The following ABCG5 variants were observed in gnomAD, a reference collection of about 807,000 sequenced individuals.
ABCG5 encodes ATP-binding cassette sub-family G member 5.
In ABCG5, 64 loss-of-function variants were observed where a neutral mutation model predicts 64.5. The observed-to-expected ratio is 0.99, with a 90% confidence interval of 0.81 to 1.22. The LOEUF (loss-of-function observed/expected upper bound fraction) is 1.22. ABCG5 is among the 50% of genes most tolerant of loss of function. The pLI, the probability that ABCG5 is intolerant of heterozygous loss-of-function variation, is 0.00. For missense variants in ABCG5, 908 were observed against 829.5 expected, an observed-to-expected ratio of 1.09 and a Z score of -1.16; for synonymous variants, 385 against 326.3, an observed-to-expected ratio of 1.18 and a Z score of -1.94.
At chr2:43,830,668 A>G (rs1667901780) in intron 4 of ABCG5, among the ~76,000 whole-genome samples, 1 of 151,870 alleles carries the variant, frequency 6.6e-6, no homozygotes, top group South Asian at 2.1e-4. Flanking sequence ...AATTGGAGAG[A>G]ACTCTGCTAT....
At chr2:43,816,143 GAGTGATGC>G (rs999669668) in intron 11 of ABCG5, among the ~76,000 whole-genome samples, 5 of 152,184 alleles carry the variant, frequency 3.3e-5, no homozygotes, top group African/African-American at 9.7e-5. Context: ...ATGATTTGGT[GAGTGATGC>G]AGTGTGTATA....
chr2:43,806,576 T>C, the ABCG5 span, among the ~76,000 whole-genome samples: 5 of 152,240 alleles, frequency 3.3e-5, no homozygotes, highest in Non-Finnish European at 7.3e-5. Flanking sequence ...AGCCTGGCTA[T>C]AAGGATTAGT....
At chr2:43,814,440 A>G (rs1391287097) in intron 12 of ABCG5, 37 bp downstream of exon 12, 5 of 1,363,534 alleles carry the variant, frequency 3.7e-6, no homozygotes, top group African/African-American at 1.4e-5. Flanking sequence ...TCCTCAGAGT[A>G]ACATGCAAAA....
At chr2:43,820,305 T>C (rs1309694869) in intron 10 of ABCG5, among the ~76,000 whole-genome samples, 2 of 152,242 alleles carry the variant, frequency 1.3e-5, no homozygotes, top group Non-Finnish European at 2.9e-5. Context: ...TGGCTGCAAC[T>C]CATTGGGAGC....
chr2:43,837,386 G>A (rs1668344274), intron 2 of ABCG5, among the ~76,000 whole-genome samples: 1 of 152,122 alleles, frequency 6.6e-6, no homozygotes, highest in South Asian at 2.1e-4. Context: ...CTCTCAAGCT[G>A]CTGGGATTAC....
chr2:43,831,189 G>A (rs373410714), intron 4 of ABCG5, among the ~76,000 whole-genome samples: 1 of 152,194 alleles, frequency 6.6e-6, no homozygotes, highest in African/African-American at 2.4e-5. Context: ...ATTTGGTTGG[G>A]AGAGACAGAG....
chr2:43,824,775 A>G, intron 7 of ABCG5, 114 bp downstream of exon 7: 1 of 1,528,760 alleles, frequency 6.5e-7, no homozygotes, highest in Non-Finnish European at 8.9e-7. Flanking sequence ...AGAGTATAAA[A>G]CACAAAAACA....
rs1324157881 is a variant in ABCG5 at position 43,813,271 on chromosome 2, C to T, written c.1801G>A (p.Ala601Thr). 6.2e-7 allele frequency: 1 copy of T among 1,613,842 alleles called. No individual in the cohort carries two copies. Among genetic ancestry groups the T allele is most frequent in the Non-Finnish European group, 8.5e-7 (1 of 1,179,886 alleles). Reference sequence around the variant, plus strand: ...ATGAATTGAATTCCTTGAGTGAAGGCACACATTGGATTAGTTGTCACAGAA... The same window carrying T: ...ATGAATTGAATTCCTTGAGTGAAGGTACACATTGGATTAGTTGTCACAGAA... ...NVSVTTNPMC[A>T]FTQGIQFIEK... is the part of the protein sequence containing the mutation. Residue 601 changes from alanine to threonine, a missense_variant, in exon 13 of 13, where the codon GCC (alanine) becomes ACC (threonine). By Grantham distance (58) the Ala-to-Thr change is moderately conservative. Coordinates refer to ENST00000405322, the MANE Select transcript of ABCG5 (RefSeq NM_022436.3).
chr2:43,810,001 C>A, downstream of ABCG5: 2 of 1,145,418 alleles, frequency 1.7e-6, no homozygotes, highest in Non-Finnish European at 2.2e-6. Flanking sequence ...CTTCTACTAC[C>A]TACCTCTAAC....
At chr2:43,832,719 C>G (rs1668026915) in intron 2 of ABCG5, 1 of 154,360 alleles carries the variant, frequency 6.5e-6, no homozygotes, top group African/African-American at 2.4e-5. Context: ...TGGGGCATAG[C>G]CTAGCTGGAT....
Position 43,823,840 on chromosome 2 carries a change from T to A in ABCG5, c.1324+73A>T, listed in dbSNP as rs72796715. 24,674 of 1,542,044 alleles carry A rather than the reference T, an allele frequency of 0.016. 419 individuals carry two copies. Among genetic ancestry groups the A allele is most frequent in the Admixed American group, 0.081 (4,414 of 54,166 alleles). Reference sequence around the variant, plus strand: ...AGAAAAACCCTTATAATGGTAGACTTTTGTAAGGTTACAGCTGGAGAAGGG... The same window carrying A: ...AGAAAAACCCTTATAATGGTAGACTATTGTAAGGTTACAGCTGGAGAAGGG... On this transcript the variant is annotated intron_variant, in intron 9 of 12. Transcript: ENST00000405322.
In ABCG5 at chr2:43,838,386, C is replaced by T. The variant is rs1398407181; in HGVS notation, c.143+151G>A. The T allele has an allele frequency of 1.4e-6, 1 of 739,610 alleles. No homozygotes were observed. Among genetic ancestry groups the T allele is most frequent in the Non-Finnish European group, 2.2e-6 (1 of 456,364 alleles). 45.8% of individuals were successfully genotyped at this position (739,610 alleles called of 1,614,324 possible). A position where few individuals can be genotyped will look rare whatever the true frequency, so the allele number is the denominator to read the frequency against. ...TGTCGCTCCATGTTTCCCAGCACAG[C>T]CCTTCTCCCTCTCCTCTCTCCACCC... On this transcript the variant is annotated intron_variant, in intron 1 of 12. Transcript: ENST00000405322. The surrounding 1 kb of genome is among the most constrained non-coding windows in gnomAD (Gnocchi z 4.2).
At chr2:43,837,735 A>G in intron 2 of ABCG5, 99 bp downstream of exon 2, 2 of 1,522,110 alleles carry the variant, frequency 1.3e-6, no homozygotes, top group Non-Finnish European at 1.8e-6. Flanking sequence ...TCATTCTAAT[A>G]TCAAACCTGT....
At chr2:43,809,297 A>G (rs1013759403), downstream of ABCG5, among the ~76,000 whole-genome samples, 1 of 152,134 alleles carries the variant, frequency 6.6e-6, no homozygotes, top group Non-Finnish European at 1.5e-5. Flanking sequence ...CAGCCTGGGT[A>G]TGTATTTTTT....
chr2:43,813,324 A>T lies in ABCG5; in HGVS notation c.1763-15T>A. On this transcript the variant is annotated splice_polypyrimidine_tract_variant and intron_variant, in intron 12 of 12. Coordinates refer to ENST00000405322, the MANE Select transcript of ABCG5 (RefSeq NM_022436.3). ...ATTTGAGCTGCCTGTCAAGGAAAAGATTGACAGTGTCAGGTGTGGTTTATC... is the reference window on the plus strand; with the variant it reads ...ATTTGAGCTGCCTGTCAAGGAAAAGTTTGACAGTGTCAGGTGTGGTTTATC... 1.3e-6 allele frequency: 2 copies of T among 1,567,660 alleles called. No homozygotes were observed. The highest frequency in any genetic ancestry group is 1.8e-6 in the Non-Finnish European group (2 of 1,138,888).
At chr2:43,820,614 A>AT (rs1667129859) in intron 10 of ABCG5, among the ~76,000 whole-genome samples, 1 of 151,796 alleles carries the variant, frequency 6.6e-6, no homozygotes, top group South Asian at 2.1e-4. Context: ...ACTCCATTCC[A>AT]TTCTTGTCTT....
intron 11 of ABCG5, among the ~76,000 whole-genome samples, chr2:43,815,747 G>C (rs763642094): frequency 3.3e-5 from 5 of 152,128 alleles, no homozygotes; most frequent in Non-Finnish European, 7.3e-5. Flanking sequence ...TGGGAGGGGA[G>C]CTCGGAACAA....
At chr2:43,830,758 G>A (rs1356327584) in intron 4 of ABCG5, among the ~76,000 whole-genome samples, 1 of 152,230 alleles carries the variant, frequency 6.6e-6, no homozygotes, top group Non-Finnish European at 1.5e-5. Context: ...GGGTGCTTGT[G>A]GGCCTTCCCA....
Position 43,831,188 on chromosome 2 carries a change from G to A in ABCG5, c.501+581C>T, listed in dbSNP as rs549807939. Among the ~76,000 whole-genome samples, 24 of 152,116 alleles carry A rather than the reference G, an allele frequency of 1.6e-4. 1 individual carries two copies. In the South Asian group the frequency reaches 5.0e-3, roughly 32 times the overall value. On this transcript the variant is annotated intron_variant, in intron 4 of 12. Transcript: ENST00000405322. ...TGAAATTTATTTATTTATTTGGTTG[G>A]GAGAGACAGAGTCTCTTTTTGTCCT...
Sources: gnomAD v4.1 joint callset for allele counts (sites outside exome capture counted in the v4.1 genomes callset) on GRCh38, gnomAD v4.1.1 for gene constraint, Gnocchi (gnomAD v3.1) non-coding constraint, MANE v1.5 for transcripts, NCBI Gene and HGNC (gene_info 2026-07-23, HGNC 2026-07-21) for gene names.